RMND1: variants seen among roughly 807,000 people sequenced by gnomAD.
The protein encoded by RMND1 is required for meiotic nuclear division 1 homolog, also known as required for meiotic nuclear division protein 1 homolog.
RMND1 carries 41 observed loss-of-function variants against 54.0 expected under a neutral mutation model. That is an observed-to-expected ratio of 0.76 (90% CI 0.59 to 0.98). RMND1 has a LOEUF of 0.98. Ranked by LOEUF, RMND1 falls within the 50% of genes least tolerant of loss-of-function variation. RMND1 has a pLI of 0.00. For synonymous variants in RMND1, 183 were observed against 181.7 expected (o/e 1.01, Z -0.06); for missense variants, 457 against 532.0 (o/e 0.86, Z 1.39).
At chr6:151,429,244 C>T (rs1048377704) in intron 5 of RMND1, among the ~76,000 whole-genome samples, 4 of 151,912 alleles carry the variant, frequency 2.6e-5, no homozygotes, top group Admixed American at 2.0e-4. Flanking sequence ...GCCTCAGCTA[C>T]CCGAGTAGCT....
At chr6:151,423,766 T>C in intron 6 of RMND1, 135 bp from the exon 7 acceptor site, 1 of 661,900 alleles carries the variant, frequency 1.5e-6, no homozygotes, top group South Asian at 1.8e-5. Context: ...TGTTCTCATA[T>C]CCTTTGGTCC....
At chr6:151,424,558 A>G (rs1219095091) in intron 6 of RMND1, among the ~76,000 whole-genome samples, 1 of 152,178 alleles carries the variant, frequency 6.6e-6, no homozygotes, top group East Asian at 1.9e-4. Context: ...ACTCCACACA[A>G]GAAAAACTTA....
chr6:151,405,182 T>TTTGA lies in RMND1; in HGVS notation c.*49_*52dup. Reference sequence around the variant, plus strand: ...ACCGCGCCGGGCCGAACATTTAATTTTTGATTGTAGAACTTGAATATCTCT... The same window carrying TTTGA: ...ACCGCGCCGGGCCGAACATTTAATTTTTGATTGATTGTAGAACTTGAATATCTCT... On this transcript the variant is annotated 3_prime_UTR_variant, in exon 12 of 12. Transcript: ENST00000444024. 6.4e-7 allele frequency: 1 copy of TTTGA among 1,554,648 alleles called. No homozygotes were observed. The highest frequency in any genetic ancestry group is 8.9e-7 in the Non-Finnish European group (1 of 1,126,972).
chr6:151,409,494 CAA>C (rs1330441066), intron 10 of RMND1, among the ~76,000 whole-genome samples: 1 of 152,086 alleles, frequency 6.6e-6, no homozygotes, highest in Non-Finnish European at 1.5e-5. Context: ...GGGGGAATTT[CAA>C]AAGTTTCATT....
At chr6:151,427,976 C>CA (rs1312724546) in intron 5 of RMND1, among the ~76,000 whole-genome samples, 2 of 151,944 alleles carry the variant, frequency 1.3e-5, no homozygotes, top group Non-Finnish European at 2.9e-5. Context: ...CCTGTCTCTA[C>CA]AAAAAAATAC....
At chr6:151,445,176 A>G in intron 2 of RMND1, 132 bp downstream of exon 2, 1 of 877,622 alleles carries the variant, frequency 1.1e-6, no homozygotes, top group Non-Finnish European at 1.7e-6. Context: ...ATTAGGCTTC[A>G]AAGACCTTGA....
chr6:151,405,513 C>T (rs1212447222), intron 11 of RMND1, among the ~76,000 whole-genome samples: 1 of 152,170 alleles, frequency 6.6e-6, no homozygotes, highest in Non-Finnish European at 1.5e-5. Flanking sequence ...GGTCTACTCT[C>T]AAATTTTAAA....
chr6:151,439,116 A>AT (rs1780697100), intron 2 of RMND1, among the ~76,000 whole-genome samples: 1 of 152,182 alleles, frequency 6.6e-6, no homozygotes, highest in Non-Finnish European at 1.5e-5. Flanking sequence ...TTCAAACAAA[A>AT]ACAAAACCAA....
chr6:151,415,962 A>C (rs912007954), intron 10 of RMND1, among the ~76,000 whole-genome samples: 2 of 151,470 alleles, frequency 1.3e-5, no homozygotes, highest in African/African-American at 2.4e-5. Flanking sequence ...GAAAAGTGAT[A>C]AAACAGTTTT....
chr6:151,443,472 T>G (rs140376298), intron 2 of RMND1, among the ~76,000 whole-genome samples: 65 of 152,154 alleles, frequency 4.3e-4, no homozygotes, highest in African/African-American at 1.6e-3. Flanking sequence ...CCACTACGCC[T>G]GGCTAATTTT....
At chr6:151,450,911 T>C (rs1253466174) in intron 1 of RMND1, among the ~76,000 whole-genome samples, 4 of 152,166 alleles carry the variant, frequency 2.6e-5, no homozygotes, top group Non-Finnish European at 5.9e-5. Flanking sequence ...CCCCCAACCC[T>C]GTGCTCTCTG....
chr6:151,449,198 C>A (rs1781053767), intron 1 of RMND1, among the ~76,000 whole-genome samples: 1 of 151,484 alleles, frequency 6.6e-6, no homozygotes, highest in Admixed American at 6.6e-5. Flanking sequence ...GAAACCTCGT[C>A]TCTACTAAAA....
At chr6:151,409,132 T>C (rs1779722094) in intron 10 of RMND1, among the ~76,000 whole-genome samples, 1 of 152,124 alleles carries the variant, frequency 6.6e-6, no homozygotes, top group Non-Finnish European at 1.5e-5. Context: ...AGGTCCAGTC[T>C]GGAGACTGAG....
chr6:151,419,008 G>A (rs1201775946), intron 9 of RMND1, among the ~76,000 whole-genome samples: 3 of 151,950 alleles, frequency 2.0e-5, no homozygotes, highest in Non-Finnish European at 2.9e-5. Flanking sequence ...GACCTCAGAT[G>A]ATCCACTGGC....
intron 10 of RMND1, 102 bp from the exon 11 acceptor site, chr6:151,405,938 C>G: frequency 1.7e-6 from 1 of 574,104 alleles, no homozygotes; most frequent in Non-Finnish European, 3.1e-6. Context: ...CTCCTCAGTC[C>G]TCTCCCCAAA....
At chr6:151,430,215 A>G (rs1780414777) in intron 4 of RMND1, 38 bp from the exon 5 acceptor site, 1 of 1,408,318 alleles carries the variant, frequency 7.1e-7, no homozygotes, top group Non-Finnish European at 1.0e-6. Context: ...TAAGATACAG[A>G]TGGAATACAT....
intron 5 of RMND1, 47 bp from the exon 6 acceptor site, chr6:151,427,629 GT>G: frequency 2.6e-6 from 3 of 1,152,604 alleles, no homozygotes; most frequent in Non-Finnish European, 3.9e-6. Context: ...GACTCCCTCA[GT>G]TCAAGTATGT....
intron 8 of RMND1, among the ~76,000 whole-genome samples, chr6:151,422,053 T>C (rs1562789097): frequency 6.6e-6 from 1 of 152,204 alleles, no homozygotes; most frequent in African/African-American, 2.4e-5. Context: ...TTTGTCATTT[T>C]ATATGTAACT....
At chr6:151,436,892 G>T in intron 2 of RMND1, 1 of 129,480 alleles carries the variant, frequency 7.7e-6, no homozygotes, top group Non-Finnish European at 1.4e-5. Flanking sequence ...GTGACTGGAT[G>T]GAATGTTTAA....
Sources: gnomAD v4.1 joint callset for allele counts (sites outside exome capture counted in the v4.1 genomes callset) on GRCh38, gnomAD v4.1.1 for gene constraint, MANE v1.5 for transcripts, NCBI Gene and HGNC (gene_info 2026-07-23, HGNC 2026-07-21) for gene names.